The following SV2C variants were observed in gnomAD, a reference collection of about 807,000 sequenced individuals.
SV2C encodes the protein solute carrier family 22 member B3.
SV2C carries 49 observed loss-of-function variants against 79.7 expected under a neutral mutation model. The ratio of observed to expected loss-of-function variants is 0.61; its 90% confidence interval spans 0.49 to 0.78. The LOEUF (loss-of-function observed/expected upper bound fraction) is 0.78. SV2C is among the 30% of genes least tolerant of loss of function. The pLI is 0.00. For synonymous variants in SV2C, 334 were observed against 333.2 expected, an observed-to-expected ratio of 1.00 and a Z score of -0.03; for missense variants, 833 against 912.9, an observed-to-expected ratio of 0.91 and a Z score of 1.13.
intron 4 of SV2C, among the ~76,000 whole-genome samples, chr5:76,255,916 A>G (rs1746249646): frequency 6.6e-6 from 1 of 152,160 alleles, no homozygotes; most frequent in Non-Finnish European, 1.5e-5. Context: ...GATTCTTACA[A>G]TCTCCATAGA....
chr5:76,285,776 C>A lies in SV2C; in HGVS notation c.1048-5C>A, dbSNP rs1359318333. The stretch of plus-strand genomic sequence containing the variant: ...AGCGCTTCACTGTCCACTCTCATTT[C>A]TTAGGTTGGAAAACATGATGAAGCT... On this transcript the variant is annotated splice_polypyrimidine_tract_variant and splice_region_variant and intron_variant, in intron 5 of 12. Transcript: ENST00000502798. The A allele has an allele frequency of 6.2e-7, 1 of 1,613,128 alleles. No homozygotes were observed.
At chr5:75,864,665 A>G in the SV2C span, among the ~76,000 whole-genome samples, 1 of 152,190 alleles carries the variant, frequency 6.6e-6, no homozygotes, top group East Asian at 1.9e-4. Context: ...TTCTCCATGC[A>G]TGGAGATACT....
chr5:75,889,506 G>T, the SV2C span, among the ~76,000 whole-genome samples: 50 of 152,126 alleles, frequency 3.3e-4, no homozygotes, highest in Middle Eastern at 6.8e-3. Flanking sequence ...ACCATTGATG[G>T]GCATTTGGGT....
the SV2C span, among the ~76,000 whole-genome samples, chr5:75,992,126 A>G: frequency 2.6e-5 from 4 of 152,072 alleles, no homozygotes; most frequent in Non-Finnish European, 4.4e-5. Flanking sequence ...TGTTTATAAT[A>G]CGGAGCTTTC....
At chr5:75,910,754 G>A in the SV2C span, 19 of 1,368,140 alleles carry the variant, frequency 1.4e-5, no homozygotes, top group East Asian at 4.2e-4. Flanking sequence ...ACTACTAGAG[G>A]AGCTGCCTAT....
the SV2C span, among the ~76,000 whole-genome samples, chr5:75,939,088 C>T: frequency 2.6e-5 from 4 of 152,266 alleles, 1 homozygote; most frequent in South Asian, 8.3e-4. Context: ...ATCATACTTC[C>T]AGACCCTTCA....
the SV2C span, among the ~76,000 whole-genome samples, chr5:75,935,637 T>A: frequency 6.6e-6 from 1 of 152,300 alleles, no homozygotes; most frequent in Admixed American, 6.5e-5. Flanking sequence ...TGACAAGAAC[T>A]CTAAGACACA....
At chr5:75,935,675 C>T in the SV2C span, among the ~76,000 whole-genome samples, 11 of 151,950 alleles carry the variant, frequency 7.2e-5, no homozygotes, top group Non-Finnish European at 1.2e-4. Flanking sequence ...AAGTTGCGAA[C>T]GAATAAATAT....
chr5:75,955,415 A>C, the SV2C span, among the ~76,000 whole-genome samples: 14 of 151,680 alleles, frequency 9.2e-5, no homozygotes, highest in Non-Finnish European at 1.6e-4. Context: ...TAAAGACTTA[A>C]ACGTTAGACC....
chr5:76,073,501 GTGTATATATATATATATATA>G, the SV2C span, among the ~76,000 whole-genome samples: 262 of 87,254 alleles, frequency 3.0e-3, 2 homozygotes, highest in African/African-American at 9.3e-3. Context: ...ATGTATGTGT[GTGTATATATATATATATATA>G]TATATATATA....
At chr5:75,954,440 C>A in the SV2C span, among the ~76,000 whole-genome samples, 1 of 151,974 alleles carries the variant, frequency 6.6e-6, no homozygotes, top group Admixed American at 6.6e-5. Context: ...CAATACCACA[C>A]TGAATGGGCA....
At chr5:76,048,456 A>G in the SV2C span, among the ~76,000 whole-genome samples, 77 of 152,296 alleles carry the variant, frequency 5.1e-4, no homozygotes, top group African/African-American at 1.7e-3. Flanking sequence ...TGATTCACAC[A>G]CTAATCTGTT....
the SV2C span, among the ~76,000 whole-genome samples, chr5:75,928,788 C>T: frequency 6.6e-6 from 1 of 152,106 alleles, no homozygotes; most frequent in Non-Finnish European, 1.5e-5. Flanking sequence ...TCCCAGTCTC[C>T]TCTCTCCATC....
At chr5:75,916,389 C>T in the SV2C span, among the ~76,000 whole-genome samples, 2 of 141,624 alleles carry the variant, frequency 1.4e-5, no homozygotes, top group Non-Finnish European at 3.1e-5. Context: ...CCTCCCCTTC[C>T]CCTTCCCCTT....
chr5:76,273,296 A>C (rs1746930027), intron 4 of SV2C, among the ~76,000 whole-genome samples: 1 of 151,940 alleles, frequency 6.6e-6, no homozygotes, highest in South Asian at 2.1e-4. Context: ...AGACACACAC[A>C]CATACACATG....
chr5:76,145,460 T>C (rs977934036), intron 2 of SV2C, among the ~76,000 whole-genome samples: 13 of 152,170 alleles, frequency 8.5e-5, no homozygotes, highest in African/African-American at 3.1e-4. Context: ...AATTATGATG[T>C]CCAAAGAGAA....
intron 4 of SV2C, among the ~76,000 whole-genome samples, chr5:76,246,445 T>C (rs917298788): frequency 1.3e-5 from 2 of 152,222 alleles, no homozygotes; most frequent in Non-Finnish European, 2.9e-5. Flanking sequence ...CAGTGGACTG[T>C]CTTATTTATT....
chr5:75,849,039 C>T, the SV2C span, among the ~76,000 whole-genome samples: 991 of 152,302 alleles, frequency 6.5e-3, 11 homozygotes, highest in Non-Finnish European at 8.8e-3. Context: ...CTTCCCTCAT[C>T]CCCACCCCCA....
At chr5:75,929,651 C>T in the SV2C span, among the ~76,000 whole-genome samples, 1 of 152,146 alleles carries the variant, frequency 6.6e-6, no homozygotes, top group South Asian at 2.1e-4. Context: ...ATGTACACAA[C>T]TAATTTTATT....
Sources: gnomAD v4.1 joint callset for allele counts (sites outside exome capture counted in the v4.1 genomes callset) on GRCh38, gnomAD v4.1.1 for gene constraint, MANE v1.5 for transcripts, NCBI Gene and HGNC (gene_info 2026-07-23, HGNC 2026-07-21) for gene names.